Variants in NR5A2 observed in about 807,000 individuals in gnomAD.
NR5A2 encodes nuclear receptor subfamily 5 group A member 2.
Under a neutral mutation model 62.7 loss-of-function variants are expected in NR5A2, and 26 were observed. That is an observed-to-expected ratio of 0.41 (90% confidence interval 0.30 to 0.58). The LOEUF (loss-of-function observed/expected upper bound fraction) is 0.58. Among genes scored for constraint, NR5A2 ranks in the 20% least tolerant of loss-of-function variants. The pLI is 0.22. For missense variants in NR5A2, 541 were observed against 669.1 expected, an observed-to-expected ratio of 0.81 and a Z score of 2.11; for synonymous variants, 246 against 241.7, an observed-to-expected ratio of 1.02 and a Z score of -0.16.
At chr1:200,087,029 A>C (rs1186464542) in intron 5 of NR5A2, among the ~76,000 whole-genome samples, 12 of 151,892 alleles carry the variant, frequency 7.9e-5, no homozygotes, top group Admixed American at 7.9e-4. Flanking sequence ...ATAGAATGAG[A>C]CTCCTCAAAA....
At chr1:200,055,882 C>T (rs1345419504) in intron 5 of NR5A2, among the ~76,000 whole-genome samples, 1 of 152,148 alleles carries the variant, frequency 6.6e-6, no homozygotes, top group East Asian at 1.9e-4. Context: ...TAAATCGAAC[C>T]TGCATAGGTT....
At chr1:200,088,392 G>A (rs923918146) in intron 5 of NR5A2, among the ~76,000 whole-genome samples, 1 of 152,044 alleles carries the variant, frequency 6.6e-6, no homozygotes, top group African/African-American at 2.4e-5. Flanking sequence ...TGAGTAGCTG[G>A]GATTACAGGC....
intron 1 of NR5A2, among the ~76,000 whole-genome samples, chr1:200,030,325 T>C (rs1308788721): frequency 6.6e-6 from 1 of 152,236 alleles, no homozygotes; most frequent in Non-Finnish European, 1.5e-5. Flanking sequence ...AACTAGGGGC[T>C]ACATCTTGTA....
chr1:200,139,369 A>C (rs1025374088), intron 7 of NR5A2, among the ~76,000 whole-genome samples: 7 of 152,108 alleles, frequency 4.6e-5, no homozygotes, highest in Non-Finnish European at 8.8e-5. Flanking sequence ...TTCTGATCTT[A>C]TTTTGTTGGT....
At chr1:200,167,332 C>T (rs1653947810) in intron 7 of NR5A2, among the ~76,000 whole-genome samples, 1 of 152,176 alleles carries the variant, frequency 6.6e-6, no homozygotes, top group African/African-American at 2.4e-5. Flanking sequence ...CACCTGGAAG[C>T]CATCCAGGAC....
In NR5A2 at chr1:200,039,041, C is replaced by A. The variant is rs1258176274; in HGVS notation, c.65-617C>A. Among the ~76,000 whole-genome samples the A allele has an allele frequency of 6.6e-6, 1 of 151,916 alleles. No individual in the cohort carries two copies. The highest frequency in any genetic ancestry group is 2.4e-5 in the African/African-American group (1 of 41,364). On this transcript the variant is annotated intron_variant, in intron 1 of 7. Transcript: ENST00000367362. The surrounding 1 kb of genome is among the most constrained non-coding windows in gnomAD (Gnocchi z 5.1). The stretch of plus-strand genomic sequence containing the variant: ...CTGTCCTTCCCAGCACCGTCACCCT[C>A]GGGGCTGGGAAGGGCCGTTCTCGGT...
intron 1 of NR5A2, chr1:200,029,174 G>C (rs762695351): frequency 2.5e-6 from 1 of 397,864 alleles, no homozygotes; most frequent in South Asian, 1.7e-5. Context: ...TCCGCGTCCG[G>C]GGCCGCAGCT....
At position 200,133,558 on chromosome 1, in the gene NR5A2, CACACATATATATAT is replaced by C. The variant is rs1212030699; in HGVS notation, c.1378+12617_1378+12630del. Among the ~76,000 whole-genome samples, 270 of 103,098 alleles carry C rather than the reference CACACATATATATAT, an allele frequency of 2.6e-3. 1 individual carries two copies. The highest frequency in any genetic ancestry group is 9.2e-3 in the African/African-American group (247 of 26,758). The allele number at this position is 103,098 out of a possible 152,430, so 67.6% of individuals were successfully genotyped here. A position where few individuals can be genotyped will look rare whatever the true frequency, so the allele number is the denominator to read the frequency against. Reference sequence around the variant, plus strand: ...ACATATATATATATACACATATATACACACATATATATATACACATATATATACACATATATATA... The same window carrying C: ...ACATATATATATATACACATATATACACACATATATATACACATATATATA... On this transcript the variant is annotated intron_variant, in intron 7 of 7. Coordinates refer to ENST00000367362, the MANE Select transcript of NR5A2 (RefSeq NM_205860.3).
chr1:200,056,994 CA>C (rs1445444539), intron 5 of NR5A2, among the ~76,000 whole-genome samples: 2 of 152,314 alleles, frequency 1.3e-5, no homozygotes, highest in Admixed American at 1.3e-4. Flanking sequence ...TAAGCCTCGG[CA>C]GCCAAGAGCA....
rs751388500 is a variant in NR5A2 at position 200,155,670 on chromosome 1, T to TATAAA, written c.1379-18292_1379-18291insTAAAA. 2.7e-3 allele frequency among the ~76,000 whole-genome samples: 406 copies of TATAAA among 152,064 alleles called. 1 individual carries two copies. Among genetic ancestry groups the TATAAA allele is most frequent in the Non-Finnish European group, 4.4e-3 (296 of 67,980 alleles). On this transcript the variant is annotated intron_variant, in intron 7 of 7. Coordinates refer to ENST00000367362, the MANE Select transcript of NR5A2 (RefSeq NM_205860.3). ...ATGACAATGCTGAATCCACAGATAA[T>TATAAA]AATAAAAAAATTTTTTTTTTTTTTG...
intron 7 of NR5A2, among the ~76,000 whole-genome samples, chr1:200,122,234 A>G (rs763161588): frequency 1.3e-5 from 2 of 152,308 alleles, no homozygotes; most frequent in Middle Eastern, 3.4e-3. Context: ...ACCCGAGAAC[A>G]GTGTTTAGAA....
rs896916451 is a variant in NR5A2 at position 200,071,396 on chromosome 1, TTATGTAGC to T, written c.1110+22579_1110+22586del. Reference sequence around the variant, plus strand: ...CAATGGTTTCTGAGCTAAGAGGTGTTTATGTAGCATCAACTTTATCGAAACAAAACCCT... The same window carrying T: ...CAATGGTTTCTGAGCTAAGAGGTGTTATCAACTTTATCGAAACAAAACCCT... On this transcript the variant is annotated intron_variant, in intron 5 of 7. Transcript: ENST00000367362. 1.3e-4 allele frequency among the ~76,000 whole-genome samples: 20 copies of T among 152,168 alleles called. 1 individual carries two copies. Among genetic ancestry groups the T allele is most frequent in the Admixed American group, 1.2e-3 (18 of 15,288 alleles).
At chr1:200,100,952 C>T (rs1163244316) in intron 5 of NR5A2, among the ~76,000 whole-genome samples, 1 of 152,188 alleles carries the variant, frequency 6.6e-6, no homozygotes, top group African/African-American at 2.4e-5. Context: ...GGGGCTGATC[C>T]TGATCCTTGG....
chr1:200,073,080 T>C (rs1558121558), intron 5 of NR5A2, among the ~76,000 whole-genome samples: 1 of 151,906 alleles, frequency 6.6e-6, no homozygotes, highest in Non-Finnish European at 1.5e-5. Flanking sequence ...TGTTAACTTA[T>C]TTGGTTACTA....
chr1:200,065,636 C>T (rs1663432657), intron 5 of NR5A2, among the ~76,000 whole-genome samples: 1 of 152,158 alleles, frequency 6.6e-6, no homozygotes, highest in Non-Finnish European at 1.5e-5. Flanking sequence ...ATGAATTGCT[C>T]ATCCATTCAT....
chr1:200,054,099 A>G (rs913953898), intron 5 of NR5A2: 1 of 152,192 alleles, frequency 6.6e-6, no homozygotes, highest in Non-Finnish European at 1.5e-5. Flanking sequence ...AATTGGAAAG[A>G]TACAGAGATT....
intron 5 of NR5A2, among the ~76,000 whole-genome samples, chr1:200,060,886 G>A (rs769762245): frequency 5.5e-5 from 8 of 146,634 alleles, no homozygotes; most frequent in African/African-American, 1.8e-4. Flanking sequence ...GGTGGATCAC[G>A]AGGTCAGGAG....
intron 1 of NR5A2, among the ~76,000 whole-genome samples, chr1:200,034,507 CTT>C (rs1234339126): frequency 2.1e-5 from 3 of 145,408 alleles, no homozygotes; most frequent in South Asian, 2.1e-4. Flanking sequence ...TCAGTGAACT[CTT>C]TTTATACAAA....
At chr1:200,160,650 C>T (rs760535732) in intron 7 of NR5A2, among the ~76,000 whole-genome samples, 27 of 151,890 alleles carry the variant, frequency 1.8e-4, no homozygotes, top group East Asian at 5.8e-4. Flanking sequence ...TGTTCCACAG[C>T]GCTCTCTTGT....
Sources: gnomAD v4.1 joint callset for allele counts (sites outside exome capture counted in the v4.1 genomes callset) on GRCh38, gnomAD v4.1.1 for gene constraint, Gnocchi (gnomAD v3.1) non-coding constraint, MANE v1.5 for transcripts, NCBI Gene and HGNC (gene_info 2026-07-23, HGNC 2026-07-21) for gene names.